Variants in SON observed in about 807,000 individuals in gnomAD.
SON encodes protein SON.
In SON, 4 loss-of-function variants were observed where a neutral mutation model predicts 173.3. The ratio of observed to expected loss-of-function variants is 0.02; its 90% CI spans 0.01 to 0.05. The LOEUF is 0.05. Among genes scored for constraint, SON ranks in the 10% least tolerant of loss-of-function variants. SON has a pLI of 1.00. For synonymous variants in SON, 1,190 were observed against 1,105.9 expected, an observed-to-expected ratio of 1.08 and a Z score of -1.51; for missense variants, 2,626 against 3,055.3, an observed-to-expected ratio of 0.86 and a Z score of 3.31.
chr21:33,564,152 A>G (rs1265734199), intron 6 of SON, among the ~76,000 whole-genome samples: 1 of 152,136 alleles, frequency 6.6e-6, no homozygotes, highest in Non-Finnish European at 1.5e-5. Flanking sequence ...GGGGCCTTTT[A>G]CCATCATTTT....
Position 33,567,284 on chromosome 21 carries a change from T to A in SON, c.6768+17T>A, listed in dbSNP as rs552439994. On this transcript the variant is annotated intron_variant, in intron 7 of 11. Transcript: ENST00000356577. ...CAGGAAAGGGTATGTAGCAGTTTTT[T>A]AAAAAAAATTATTATTTACCATCAG... 3.5e-5 allele frequency: 48 copies of A among 1,388,048 alleles called. No homozygotes were observed. The highest frequency in any genetic ancestry group is 3.5e-4 in the Middle Eastern group (2 of 5,640). The allele number at this position is 1,388,048 out of a possible 1,614,324, so 86.0% of individuals were successfully genotyped here.
In SON at chr21:33,557,187, T is replaced by G. The variant is rs369922088; in HGVS notation, c.6192T>G (p.Ala2064=). 3.3e-5 allele frequency: 54 copies of G among 1,612,428 alleles called. No homozygotes were observed. In the African/African-American group the frequency reaches 7.1e-4, roughly 21 times the overall value. ...CTCAATTACTTGAAATAGCCAAAGC[T>G]AATGCAGCTGCCATGTGTGCTAAGG... ...DKAQLLEIAK[A]NAAAMCAKAG... is the part of the protein sequence containing the mutation. Residue 2064 remains alanine, a synonymous_variant, in exon 4 of 12, where the codon GCT becomes GCG. Coordinates refer to ENST00000356577, the MANE Select transcript of SON (RefSeq NM_138927.4).
intron 1 of SON, among the ~76,000 whole-genome samples, chr21:33,544,384 C>A (rs949062643): frequency 2.0e-5 from 3 of 152,184 alleles, no homozygotes; most frequent in African/African-American, 7.2e-5. Context: ...AAATCTCTGG[C>A]TGCAATAAGT....
Position 33,555,013 on chromosome 21 carries a change from C to A in SON, c.5782C>A (p.Arg1928=), listed in dbSNP as rs368142947. ...AGCTCGAAGTCGAACCCCAAGTCGT[C>A]GGAGTCGGAGTCATACTCCAAGTCG... ...VRARSRTPSR[R]SRSHTPSRRR... Residue 1928 remains arginine (R), a synonymous_variant, in exon 3 of 12, where the codon CGG becomes AGG. Transcript: ENST00000356577. The A allele has an allele frequency of 1.2e-6, 2 of 1,613,130 alleles. No individual in the cohort carries two copies. The highest frequency in any genetic ancestry group is 1.1e-5 in the South Asian group (1 of 91,074).
At chr21:33,545,719 G>A (rs559341148) in intron 1 of SON, among the ~76,000 whole-genome samples, 3 of 152,232 alleles carry the variant, frequency 2.0e-5, no homozygotes, top group Non-Finnish European at 4.4e-5. Flanking sequence ...AGCCTGGACA[G>A]AGGTTACAGG....
intron 8 of SON, chr21:33,572,746 T>C (rs907807382): frequency 1.8e-5 from 8 of 441,224 alleles, no homozygotes; most frequent in African/African-American, 1.5e-4. Flanking sequence ...GTTTTCTATT[T>C]GTTACTGTGT....
Position 33,553,821 on chromosome 21 carries a change from A to G in SON, c.4590A>G (p.Ile1530Met). The change falls in exon 3 of 12, where the codon ATA becomes ATG. Residue 1530 changes from isoleucine to methionine, a missense_variant. By Grantham distance (10) the Ile-to-Met change is conservative. Around this residue, in one of 13 missense-constraint regions of SON, gnomAD observed 1,006 missense variants for 895.6 expected, o/e 1.12. Transcript: ENST00000356577. Reference protein sequence around the residue: ...KGDFYESEHGINIDLNINNHL... With the variant: ...KGDFYESEHGMNIDLNINNHL... ...ACTTTTACGAAAGTGAACATGGTAT[A>G]AATATAGACCTTAATATAAATAATC... The G allele has an allele frequency of 6.2e-7, 1 of 1,614,032 alleles. No homozygotes were observed. The highest frequency in any genetic ancestry group is 8.5e-7 in the Non-Finnish European group (1 of 1,179,934).
intron 3 of SON, 28 bp downstream of exon 3, chr21:33,555,419 G>T: frequency 1.4e-6 from 2 of 1,476,084 alleles, no homozygotes; most frequent in Non-Finnish European, 1.8e-6. Context: ...TTAATGGGAT[G>T]GTAGTAGAAA....
At position 33,549,761 on chromosome 21, in the gene SON, C is replaced by A. The variant is rs777801460; in HGVS notation, c.530C>A (p.Ser177Tyr). 6.2e-7 allele frequency: 1 copy of A among 1,614,216 alleles called. No homozygotes were observed. Among genetic ancestry groups the A allele is most frequent in the Non-Finnish European group, 8.5e-7 (1 of 1,180,040 alleles). The part of the protein sequence containing the change: ...LELPTRAFGP[S>Y]ETNESPAVVL... ...CTTCCTACAAGAGCATTTGGCCCAT[C>A]TGAGACCAATGAATCCCCTGCAGTT... is the stretch of plus-strand genomic sequence containing the variant. Residue 177 changes from serine (S) to tyrosine (Y), a missense_variant, in exon 3 of 12, where the codon TCT (serine) becomes TAT (tyrosine). Transcript: ENST00000356577.
chr21:33,549,400 T>C, intron 2 of SON, 76 bp from the exon 3 acceptor site: 1 of 1,285,342 alleles, frequency 7.8e-7, no homozygotes, highest in Non-Finnish European at 1.1e-6. Context: ...ACATGGAATG[T>C]AAATATGGGT....
At chr21:33,561,113 CATG>C (rs1232939375) in intron 6 of SON, among the ~76,000 whole-genome samples, 1 of 152,156 alleles carries the variant, frequency 6.6e-6, no homozygotes, top group Non-Finnish European at 1.5e-5. Flanking sequence ...TGAAGCTGGA[CATG>C]ATAACTAGCC....
intron 6 of SON, among the ~76,000 whole-genome samples, chr21:33,566,888 G>GAT (rs200588826): frequency 5.7e-4 from 87 of 151,526 alleles, no homozygotes; most frequent in Admixed American, 2.5e-3. Flanking sequence ...ATTATAGTTT[G>GAT]ATATATATAT....
In SON at chr21:33,550,096, A is replaced by T; in HGVS notation, c.865A>T (p.Ile289Phe). 6.2e-7 allele frequency: 1 copy of T among 1,614,146 alleles called. No individual in the cohort carries two copies. The highest frequency in any genetic ancestry group is 8.5e-7 in the Non-Finnish European group (1 of 1,180,030). ...GAGCACATCTCCAGAGCCATCAAAGATCATGTTGGTAGAGCCCCCAGTAGC... is the reference window on the plus strand; with the variant it reads ...GAGCACATCTCCAGAGCCATCAAAGTTCATGTTGGTAGAGCCCCCAGTAGC... ...VESTSPEPSK[I>F]MLVEPPVAKV... The change falls in exon 3 of 12, where the codon ATC becomes TTC. Residue 289 changes from isoleucine to phenylalanine, a missense_variant. Physicochemically the swap from Ile to Phe is conservative, Grantham distance 21. Around this residue, in one of 13 missense-constraint regions of SON, gnomAD observed 757 missense variants for 730.1 expected, o/e 1.04. Coordinates refer to ENST00000356577, the MANE Select transcript of SON (RefSeq NM_138927.4).
rs763524000 is a variant in SON at position 33,553,754 on chromosome 21, ATTCAGG to A, written c.4525_4530del (p.Ser1509_Gly1510del). On this transcript the variant is annotated inframe_deletion, in exon 3 of 12. Coordinates refer to ENST00000356577, the MANE Select transcript of SON (RefSeq NM_138927.4). ...ATTGGCATGCAGGAGATTGCATTGC[ATTCAGG>A]TGAAGAACCACATGCTGAGGAACAC... 2 of 1,614,088 alleles carry A rather than the reference ATTCAGG, an allele frequency of 1.2e-6. No individual in the cohort carries two copies. Among genetic ancestry groups the A allele is most frequent in the East Asian group, 2.2e-5 (1 of 44,888 alleles).
rs1382969160 is a variant in SON at position 33,546,333 on chromosome 21, G to A, written c.198G>A (p.Glu66=). Residue 66 remains glutamate, a synonymous_variant, in exon 2 of 12, where the codon GAG becomes GAA. Coordinates refer to ENST00000356577, the MANE Select transcript of SON (RefSeq NM_138927.4). ...LPNEEIVQKI[E]EVLSGVLDTE... ...ATGAAGAAATAGTGCAGAAGATAGAGGAAGTACTTTCTGGGGTCTTAGATA... is the reference window on the plus strand; with the variant it reads ...ATGAAGAAATAGTGCAGAAGATAGAAGAAGTACTTTCTGGGGTCTTAGATA... The A allele has an allele frequency of 6.2e-7, 1 of 1,613,222 alleles. No individual in the cohort carries two copies. Among genetic ancestry groups the A allele is most frequent in the Non-Finnish European group, 8.5e-7 (1 of 1,179,612 alleles).
At chr21:33,573,918 C>G (rs1428059491) in intron 9 of SON, among the ~76,000 whole-genome samples, 2 of 152,074 alleles carry the variant, frequency 1.3e-5, no homozygotes, top group African/African-American at 4.8e-5. Flanking sequence ...TTCTTCCAAG[C>G]TCAGTAGTTA....
rs372853725 is a variant in SON, at chr21:33,554,401, A to G, written c.5170A>G (p.Asn1724Asp). 6.0e-5 allele frequency: 97 copies of G among 1,614,048 alleles called. No individual in the cohort carries two copies. The highest frequency in any genetic ancestry group is 7.8e-5 in the Non-Finnish European group (92 of 1,180,032). Reference sequence around the variant, plus strand: ...ACTGCCTGATTCAGGATTTTCTGCCAATATTGAGGATATTAATGAAGCAGA... The same window carrying G: ...ACTGCCTGATTCAGGATTTTCTGCCGATATTGAGGATATTAATGAAGCAGA... ...ETLPDSGFSANIEDINEADLV... is the reference protein window; with the variant it reads ...ETLPDSGFSADIEDINEADLV... Residue 1724 changes from asparagine (N) to aspartate (D), a missense_variant, in exon 3 of 12, where the codon AAT becomes GAT. Coordinates refer to ENST00000356577, the MANE Select transcript of SON (RefSeq NM_138927.4).
rs745855456 is a variant in SON at position 33,549,716 on chromosome 21, C to G, written c.485C>G (p.Pro162Arg). ...TCCTTTTTAAAGTTTGATTCTGAACCTTCAGCTGTGGCGCTGGAGCTTCCT... is the reference window on the plus strand; with the variant it reads ...TCCTTTTTAAAGTTTGATTCTGAACGTTCAGCTGTGGCGCTGGAGCTTCCT... ...SDSFLKFDSE[P>R]SAVALELPTR... is the part of the protein sequence containing the mutation. The change falls in exon 3 of 12, where the codon CCT becomes CGT. Residue 162 changes from proline (P) to arginine (R), a missense_variant. Physicochemically the swap from Pro to Arg is moderately radical, Grantham distance 103 (BLOSUM62 -2). Around this residue, in one of 13 missense-constraint regions of SON, gnomAD observed 757 missense variants for 730.1 expected, o/e 1.04. Coordinates refer to ENST00000356577, the MANE Select transcript of SON (RefSeq NM_138927.4). 2 of 1,613,526 alleles carry G rather than the reference C, an allele frequency of 1.2e-6. No individual in the cohort carries two copies. The highest frequency in any genetic ancestry group is 1.7e-6 in the Non-Finnish European group (2 of 1,179,822).
At chr21:33,549,267 G>GT (rs2085696521) in intron 2 of SON, among the ~76,000 whole-genome samples, 1 of 152,030 alleles carries the variant, frequency 6.6e-6, no homozygotes, top group Admixed American at 6.6e-5. Flanking sequence ...TAGAGATGGG[G>GT]TTTCACCATG....
Sources: gnomAD v4.1 joint callset for allele counts (sites outside exome capture counted in the v4.1 genomes callset) on GRCh38, gnomAD v4.1.1 for gene constraint, gnomAD v4.1.1 regional missense constraint, MANE v1.5 for transcripts, NCBI Gene and HGNC (gene_info 2026-07-23, HGNC 2026-07-21) for gene names.